Variants in NALF1 observed in about 807,000 individuals in gnomAD.
NALF1 encodes the protein NALCN channel auxiliary factor 1, also known as family with sequence similarity 155 member A.
NALF1 carries 3 observed loss-of-function variants against 48.4 expected under a neutral mutation model. That is an observed-to-expected ratio of 0.06 (90% confidence interval 0.03 to 0.16). NALF1 has a LOEUF of 0.16. Ranked by LOEUF, NALF1 falls within the 10% of genes least tolerant of loss-of-function variation. The probability of loss-of-function intolerance (pLI) is 1.00; values close to 1 mark genes in which losing one functional copy is unlikely to be tolerated. For missense variants in NALF1, 526 were observed against 571.5 expected, an observed-to-expected ratio of 0.92 and a Z score of 0.81; for synonymous variants, 262 against 245.7, an observed-to-expected ratio of 1.07 and a Z score of -0.62.
At chr13:107,639,689 T>C (rs1880097187) in intron 1 of NALF1, among the ~76,000 whole-genome samples, 1 of 151,558 alleles carries the variant, frequency 6.6e-6, no homozygotes, top group African/African-American at 2.4e-5. Context: ...CTGGAATCAC[T>C]AGCACTAAAC....
At chr13:107,475,058 T>C (rs538874271) in intron 1 of NALF1, among the ~76,000 whole-genome samples, 5 of 151,856 alleles carry the variant, frequency 3.3e-5, no homozygotes, top group East Asian at 1.9e-4. Flanking sequence ...CCCAGGAAAA[T>C]AGAACAAGAG....
chr13:107,516,077 G>A (rs1876040388), intron 1 of NALF1, among the ~76,000 whole-genome samples: 1 of 152,116 alleles, frequency 6.6e-6, no homozygotes, highest in Non-Finnish European at 1.5e-5. Flanking sequence ...GTTCACTGGG[G>A]GTTTGAATAT....
chr13:107,242,253 G>A (rs964464588), intron 1 of NALF1, among the ~76,000 whole-genome samples: 1 of 152,110 alleles, frequency 6.6e-6, no homozygotes, highest in Non-Finnish European at 1.5e-5. Context: ...CTCCTCTCCC[G>A]TTTCCACCCT....
intron 1 of NALF1, among the ~76,000 whole-genome samples, chr13:107,712,632 G>C (rs963455275): frequency 1.3e-5 from 2 of 152,144 alleles, no homozygotes; most frequent in Non-Finnish European, 2.9e-5. Flanking sequence ...GCTTCGTTTC[G>C]GGGAGAATGA....
chr13:107,607,365 T>C (rs2138429310), intron 1 of NALF1, among the ~76,000 whole-genome samples: 1 of 152,084 alleles, frequency 6.6e-6, no homozygotes, highest in East Asian at 1.9e-4. Flanking sequence ...AAAATAAACA[T>C]ATGGATAATG....
chr13:107,769,842 T>TA (rs1343334340), intron 1 of NALF1, among the ~76,000 whole-genome samples: 6 of 152,204 alleles, frequency 3.9e-5, no homozygotes, highest in Non-Finnish European at 7.3e-5. Flanking sequence ...CATCACCACT[T>TA]AGAGAATTCC....
intron 1 of NALF1, among the ~76,000 whole-genome samples, chr13:107,783,320 T>G (rs1210976246): frequency 2.9e-5 from 4 of 138,202 alleles, no homozygotes; most frequent in Admixed American, 1.5e-4. Flanking sequence ...TACTGGGAAG[T>G]GAGGAGCCCC....
chr13:107,352,071 G>A (rs1361918177), intron 1 of NALF1, among the ~76,000 whole-genome samples: 1 of 152,210 alleles, frequency 6.6e-6, no homozygotes, highest in Non-Finnish European at 1.5e-5. Context: ...TCACTTTAGG[G>A]TGAAGGCCTT....
chr13:107,644,725 G>C (rs1254341198), intron 1 of NALF1, among the ~76,000 whole-genome samples: 1 of 144,612 alleles, frequency 6.9e-6, no homozygotes, highest in Non-Finnish European at 1.5e-5. Context: ...ACTGTTCATA[G>C]GTCTAAAACA....
At chr13:107,835,019 T>C (rs1566500500) in intron 1 of NALF1, among the ~76,000 whole-genome samples, 1 of 152,202 alleles carries the variant, frequency 6.6e-6, no homozygotes, top group African/African-American at 2.4e-5. Flanking sequence ...ACATATACAC[T>C]AGCATTAATA....
At chr13:107,218,805 T>C (rs992116844) in intron 1 of NALF1, among the ~76,000 whole-genome samples, 1 of 97,334 alleles carries the variant, frequency 1.0e-5, no homozygotes, top group Admixed American at 1.1e-4. Flanking sequence ...TCTGAGCTCA[T>C]GGAAGGCCAC....
chr13:107,249,888 G>T (rs1165100207), intron 1 of NALF1, among the ~76,000 whole-genome samples: 13 of 151,922 alleles, frequency 8.6e-5, no homozygotes, highest in African/African-American at 3.1e-4. Context: ...AGGCTTTAAG[G>T]GACACGCAGT....
chr13:107,303,521 G>C (rs1261259015), intron 1 of NALF1, among the ~76,000 whole-genome samples: 1 of 152,094 alleles, frequency 6.6e-6, no homozygotes, highest in East Asian at 1.9e-4. Context: ...TATAGCTGTA[G>C]AGTAAAACAG....
intron 1 of NALF1, among the ~76,000 whole-genome samples, chr13:107,438,410 A>C (rs1013190807): frequency 6.6e-6 from 1 of 152,200 alleles, no homozygotes. Flanking sequence ...AATAACTTCT[A>C]TAATGCTTGC....
chr13:107,296,917 T>C (rs910757459), intron 1 of NALF1, among the ~76,000 whole-genome samples: 3 of 152,168 alleles, frequency 2.0e-5, no homozygotes, highest in Non-Finnish European at 4.4e-5. Context: ...GGAGCAGCTG[T>C]CATCTTAAGT....
intron 1 of NALF1, among the ~76,000 whole-genome samples, chr13:107,239,018 C>A (rs941789853): frequency 6.6e-6 from 1 of 151,630 alleles, no homozygotes; most frequent in African/African-American, 2.4e-5. Context: ...AAAGCTCAAA[C>A]TAGGGCAGAA....
At chr13:107,226,859 A>G (rs1880117240) in intron 1 of NALF1, among the ~76,000 whole-genome samples, 1 of 152,184 alleles carries the variant, frequency 6.6e-6, no homozygotes, top group Non-Finnish European at 1.5e-5. Flanking sequence ...GAGGCCCAGA[A>G]AGTTTAAGTC....
chr13:107,678,891 T>C (rs937265323), intron 1 of NALF1, among the ~76,000 whole-genome samples: 2 of 152,142 alleles, frequency 1.3e-5, no homozygotes, highest in African/African-American at 4.8e-5. Context: ...ATGGGGATAA[T>C]GGGGATTACA....
chr13:107,554,919 T>C (rs1240827539), intron 1 of NALF1, among the ~76,000 whole-genome samples: 2 of 152,082 alleles, frequency 1.3e-5, no homozygotes, highest in East Asian at 3.9e-4. Context: ...AATGTCTAAG[T>C]AGAGGAGGAA....
Sources: gnomAD v4.1 joint callset for allele counts (sites outside exome capture counted in the v4.1 genomes callset) on GRCh38, gnomAD v4.1.1 for gene constraint, MANE v1.5 for transcripts, NCBI Gene and HGNC (gene_info 2026-07-23, HGNC 2026-07-21) for gene names.